The following SNX30 variants were observed in gnomAD, a reference collection of about 807,000 sequenced individuals.
SNX30 encodes sorting nexin family member 30.
A neutral mutation model predicts 46.4 loss-of-function variants in SNX30; 24 were observed. The ratio of observed to expected loss-of-function variants is 0.52; its 90% CI spans 0.37 to 0.73. The LOEUF (loss-of-function observed/expected upper bound fraction) is 0.73, where lower values mean the gene tolerates loss of function less well. Ranked by LOEUF, SNX30 falls within the 30% of genes least tolerant of loss-of-function variation. The pLI is 0.00. For synonymous variants in SNX30, 189 were observed against 211.5 expected (o/e 0.89, Z 0.92); for missense variants, 533 against 555.7 (o/e 0.96, Z 0.41).
chr9:112,812,522 G>C (rs1840336068), intron 2 of SNX30, among the ~76,000 whole-genome samples: 1 of 152,134 alleles, frequency 6.6e-6, no homozygotes, highest in African/African-American at 2.4e-5. Flanking sequence ...CCAAAGTGCT[G>C]GGATTACAGG....
At chr9:112,764,826 C>A (rs780243575) in intron 1 of SNX30, among the ~76,000 whole-genome samples, 2 of 152,180 alleles carry the variant, frequency 1.3e-5, no homozygotes, top group African/African-American at 4.8e-5. Context: ...CTTGCTTTAA[C>A]GTAGGAGTAA....
chr9:112,821,688 A>T (rs1017632453), intron 3 of SNX30, among the ~76,000 whole-genome samples: 4 of 151,530 alleles, frequency 2.6e-5, no homozygotes, highest in African/African-American at 9.7e-5. Context: ...GGGTTTCACC[A>T]TGTTAGCCAG....
In SNX30 at chr9:112,872,972, A is replaced by C. The variant is rs7032763; in HGVS notation, c.*4129A>C. On this transcript the variant is annotated 3_prime_UTR_variant, in exon 9 of 9. Transcript: ENST00000374232. ...TTTTCAATTCAGTGAATAAACCAGG[A>C]ATCCATTTTTTCACCAACCCACCCT... 1 of 152,024 alleles carries C rather than the reference A, an allele frequency of 6.6e-6. No homozygotes were observed. Among genetic ancestry groups the C allele is most frequent in the South Asian group, 2.1e-4 (1 of 4,830 alleles). 9.4% of individuals were successfully genotyped at this position (152,024 alleles called of 1,614,324 possible).
chr9:112,837,632 C>T (rs1402415376), intron 5 of SNX30, among the ~76,000 whole-genome samples: 3 of 151,782 alleles, frequency 2.0e-5, no homozygotes, highest in East Asian at 1.9e-4. Flanking sequence ...CCCGCCACCA[C>T]GCCTGGCTAA....
chr9:112,818,659 G>A (rs556959270), intron 3 of SNX30, among the ~76,000 whole-genome samples: 1 of 152,100 alleles, frequency 6.6e-6, no homozygotes, highest in Non-Finnish European at 1.5e-5. Context: ...TCCTCAGAGG[G>A]GCTGATTTAT....
At chr9:112,843,841 C>G (rs1190692868) in intron 6 of SNX30, among the ~76,000 whole-genome samples, 2 of 152,090 alleles carry the variant, frequency 1.3e-5, no homozygotes, top group Non-Finnish European at 2.9e-5. Flanking sequence ...TCTCGAACTC[C>G]TGACCTCATG....
At chr9:112,865,623 CCA>C (rs1841312724) in intron 8 of SNX30, among the ~76,000 whole-genome samples, 1 of 45,256 alleles carries the variant, frequency 2.2e-5, no homozygotes, top group African/African-American at 1.1e-4. Flanking sequence ...TCCTGTCACG[CCA>C]TATATATATA....
chr9:112,766,015 G>A (rs1839531609), intron 1 of SNX30, among the ~76,000 whole-genome samples: 1 of 152,152 alleles, frequency 6.6e-6, no homozygotes, highest in Non-Finnish European at 1.5e-5. Flanking sequence ...TGTTAGCTAG[G>A]ATGGTCTTGA....
intron 1 of SNX30, among the ~76,000 whole-genome samples, chr9:112,773,414 G>A (rs1230571230): frequency 6.6e-6 from 1 of 151,782 alleles, no homozygotes; most frequent in African/African-American, 2.4e-5. Context: ...TTAAGAGATA[G>A]GATCTCGCTT....
rs144673731 is a variant in SNX30, at chr9:112,832,430, AAGAGAGAGAG to A, written c.618+1568_618+1577del. ...GAATCTGTATGAAGAATAAGTAGGA[AAGAGAGAGAG>A]AGAGAGAGAGAGAGAGAGAGTGTGT... On this transcript the variant is annotated intron_variant, in intron 4 of 8. Transcript: ENST00000374232. Among the ~76,000 whole-genome samples, 489 of 79,690 alleles carry A rather than the reference AAGAGAGAGAG, an allele frequency of 6.1e-3. 5 individuals are homozygous for A. The highest frequency in any genetic ancestry group is 0.024 in the African/African-American group (439 of 18,172). 52.3% of individuals were successfully genotyped at this position (79,690 alleles called of 152,430 possible).
chr9:112,866,964 ACTCCTCCTCC>A (rs1564297884), intron 8 of SNX30, among the ~76,000 whole-genome samples: 882 of 140,528 alleles, frequency 6.3e-3, no homozygotes, highest in Middle Eastern at 0.01. Context: ...CCTCCTCAGA[ACTCCTCCTCC>A]TTCCTCAGAA....
chr9:112,842,467 GC>G (rs1564288585), intron 6 of SNX30, among the ~76,000 whole-genome samples: 1 of 152,240 alleles, frequency 6.6e-6, no homozygotes, highest in Admixed American at 6.5e-5. Context: ...ATGGGAAAAT[GC>G]CAGGGAAAAG....
At chr9:112,837,199 A>G (rs1185305680) in intron 5 of SNX30, among the ~76,000 whole-genome samples, 1 of 152,112 alleles carries the variant, frequency 6.6e-6, no homozygotes, top group Non-Finnish European at 1.5e-5. Context: ...TTACGGGGGA[A>G]AAAAATCAAC....
At chr9:112,778,643 T>C (rs1298191339) in intron 1 of SNX30, among the ~76,000 whole-genome samples, 1 of 152,142 alleles carries the variant, frequency 6.6e-6, no homozygotes, top group East Asian at 1.9e-4. Flanking sequence ...ATAGACATCA[T>C]CTCTTGATGG....
At chr9:112,805,689 G>A (rs1196939758) in intron 2 of SNX30, among the ~76,000 whole-genome samples, 5 of 152,048 alleles carry the variant, frequency 3.3e-5, no homozygotes, top group South Asian at 2.1e-4. Context: ...GGCTGGTCTC[G>A]AACTCCTGAC....
chr9:112,865,485 G>C (rs1237163574), intron 8 of SNX30, among the ~76,000 whole-genome samples: 1 of 151,664 alleles, frequency 6.6e-6, no homozygotes, highest in Non-Finnish European at 1.5e-5. Flanking sequence ...AGGTGTGGTG[G>C]CGTGTGCCTA....
intron 4 of SNX30, among the ~76,000 whole-genome samples, chr9:112,831,449 A>C (rs1539339): frequency 0.22 from 33,811 of 152,180 alleles, 4,738 homozygotes; most frequent in East Asian, 0.41. Context: ...AGTCTGACCA[A>C]CAATGGGCAT....
At chr9:112,878,236 G>A (rs1031101990), downstream of SNX30, 1 of 152,186 alleles carries the variant, frequency 6.6e-6, no homozygotes, top group Non-Finnish European at 1.5e-5. Context: ...CTTTTGAAAG[G>A]ATATTTTATG....
At chr9:112,750,134 T>A (rs1839240958), upstream of SNX30, among the ~76,000 whole-genome samples, 1 of 152,180 alleles carries the variant, frequency 6.6e-6, no homozygotes, top group Non-Finnish European at 1.5e-5. Context: ...TCGCATATCA[T>A]TTGAGACTCT....
Sources: allele counts gnomAD v4.1 joint callset (sites outside exome capture counted in the v4.1 genomes callset), GRCh38; gene constraint gnomAD v4.1.1; transcripts MANE v1.5; gene names NCBI Gene and HGNC (gene_info 2026-07-23, HGNC 2026-07-21).